The following RIPOR3 variants were observed in gnomAD, a reference collection of about 807,000 sequenced individuals.
RIPOR3 encodes the protein RIPOR family member 3.
A neutral mutation model predicts 114.3 loss-of-function variants in RIPOR3; 95 were observed. The observed-to-expected ratio is 0.83, with a 90% confidence interval of 0.70 to 0.99. RIPOR3 has a LOEUF of 0.99. Among genes scored for constraint, RIPOR3 ranks in the 50% least tolerant of loss-of-function variants. The probability of loss-of-function intolerance (pLI) is 0.00; values close to 1 mark genes in which losing one functional copy is unlikely to be tolerated. For missense variants in RIPOR3, 1,252 were observed against 1,266.9 expected (o/e 0.99, Z 0.18); for synonymous variants, 575 against 543.8 (o/e 1.06, Z -0.80).
At chr20:50,656,207 C>T (rs1037574336) in intron 1 of RIPOR3, among the ~76,000 whole-genome samples, 1 of 151,684 alleles carries the variant, frequency 6.6e-6, no homozygotes, top group Non-Finnish European at 1.5e-5. Context: ...GGGGTTTCAC[C>T]ATGTTGGCCA....
chr20:50,669,208 G>A (rs945698089), intron 1 of RIPOR3, among the ~76,000 whole-genome samples: 2 of 151,916 alleles, frequency 1.3e-5, no homozygotes, highest in African/African-American at 4.8e-5. Flanking sequence ...CAGCCACCCC[G>A]CTATTCATTC....
chr20:50,601,190 T>A (rs544333217), intron 13 of RIPOR3, among the ~76,000 whole-genome samples: 1 of 152,170 alleles, frequency 6.6e-6, no homozygotes, highest in Non-Finnish European at 1.5e-5. Context: ...TCCCGGCACT[T>A]TGGGAGGCTG....
chr20:50,641,227 T>C (rs1334011202), intron 1 of RIPOR3, among the ~76,000 whole-genome samples: 2 of 151,980 alleles, frequency 1.3e-5, no homozygotes, highest in East Asian at 3.9e-4. Context: ...TTTTTTTTTC[T>C]GAGAGAGAGA....
chr20:50,599,645 C>T (rs2122957440), intron 13 of RIPOR3, among the ~76,000 whole-genome samples: 1 of 152,252 alleles, frequency 6.6e-6, no homozygotes, highest in South Asian at 2.1e-4. Flanking sequence ...CATGAGGACA[C>T]TTGTTTACCA....
rs573549051 is a variant in RIPOR3 at position 50,608,435 on chromosome 20, T to C, written c.910A>G (p.Ile304Val). The C allele has an allele frequency of 6.2e-7, 1 of 1,614,026 alleles. No individual in the cohort carries two copies. The highest frequency in any genetic ancestry group is 1.3e-5 in the African/African-American group (1 of 75,036). Residue 304 changes from isoleucine (I) to valine (V), a missense_variant, in exon 11 of 22, where the codon ATC becomes GTC. Physicochemically the swap from Ile to Val is conservative, Grantham distance 29. Coordinates refer to ENST00000327979, the MANE Select transcript of RIPOR3 (RefSeq NM_001290268.2). ...AGCTTGATGGTACCCAACTCCGTGA[T>C]GTCCACCACGATGACCTGCGGCCGC... Reference protein sequence around the residue: ...TTRPQVIVVDITELGTIKLQL... With the variant: ...TTRPQVIVVDVTELGTIKLQL...
In RIPOR3 at chr20:50,608,758, G is replaced by A. The variant is rs751995715; in HGVS notation, c.685-20C>T. The A allele has an allele frequency of 4.3e-6, 7 of 1,613,500 alleles. No homozygotes were observed. The highest frequency in any genetic ancestry group is 5.9e-6 in the Non-Finnish European group (7 of 1,179,574). On this transcript the variant is annotated intron_variant, in intron 9 of 21. Transcript: ENST00000327979. The stretch of plus-strand genomic sequence containing the variant: ...GAGCACCTGTGAACCAGCCCGAGAG[G>A]GGCCGCGTCAGCCCAGGTGGGTGTC...
intron 17 of RIPOR3, 42 bp from the exon 18 acceptor site, chr20:50,593,238 G>A (rs777321884): frequency 6.9e-6 from 11 of 1,590,484 alleles, no homozygotes; most frequent in Middle Eastern, 2.2e-4. Context: ...CTGAGACCTC[G>A]ACCCTCCACG....
rs748256451 is a variant in RIPOR3 at position 50,589,681 on chromosome 20, C to A, written c.2661+5G>T. On this transcript the variant is annotated splice_donor_5th_base_variant and intron_variant, in intron 20 of 21. Coordinates refer to ENST00000327979, the MANE Select transcript of RIPOR3 (RefSeq NM_001290268.2). ...CAGCCACTAATGGGGAAACGTCAGG[C>A]TCACCTTGAGGTGTTTGAGCGCTAG... is the stretch of plus-strand genomic sequence containing the variant. 1 of 1,613,474 alleles carries A rather than the reference C, an allele frequency of 6.2e-7. No individual in the cohort carries two copies. Among genetic ancestry groups the A allele is most frequent in the Admixed American group, 1.7e-5 (1 of 59,966 alleles).
At chr20:50,688,703 C>T (rs2087108965) in intron 1 of RIPOR3, among the ~76,000 whole-genome samples, 1 of 152,174 alleles carries the variant, frequency 6.6e-6, no homozygotes, top group Non-Finnish European at 1.5e-5. Flanking sequence ...AAGCACTAAA[C>T]AGCGGGAAGC....
At chr20:50,634,346 T>A (rs1479120060) in intron 1 of RIPOR3, among the ~76,000 whole-genome samples, 1 of 152,110 alleles carries the variant, frequency 6.6e-6, no homozygotes, top group Non-Finnish European at 1.5e-5. Flanking sequence ...GCCACATGGA[T>A]TGGCTTCCTG....
At chr20:50,671,970 G>T (rs1272971468) in intron 1 of RIPOR3, among the ~76,000 whole-genome samples, 1 of 119,768 alleles carries the variant, frequency 8.3e-6, no homozygotes, top group Non-Finnish European at 1.7e-5. Flanking sequence ...AGGTGGATAG[G>T]TGGATGGGTG....
At chr20:50,674,126 T>C (rs1042169241) in intron 1 of RIPOR3, among the ~76,000 whole-genome samples, 11 of 152,088 alleles carry the variant, frequency 7.2e-5, no homozygotes, top group Non-Finnish European at 8.8e-5. Context: ...GGGTAAGATG[T>C]GTCTGGAAGG....
chr20:50,617,719 G>A (rs542144710), intron 3 of RIPOR3, among the ~76,000 whole-genome samples: 9 of 138,878 alleles, frequency 6.5e-5, no homozygotes, highest in Middle Eastern at 4.1e-3. Flanking sequence ...CCCACCTCCC[G>A]GGTTCAAGTG....
intron 1 of RIPOR3, among the ~76,000 whole-genome samples, chr20:50,681,390 G>T (rs1324190642): frequency 1.3e-5 from 2 of 152,098 alleles, no homozygotes; most frequent in Non-Finnish European, 2.9e-5. Context: ...GGTGGTAGGG[G>T]ATCCAGGGTT....
chr20:50,629,681 G>C (rs2084750570), intron 2 of RIPOR3, among the ~76,000 whole-genome samples: 1 of 152,164 alleles, frequency 6.6e-6, no homozygotes, highest in Non-Finnish European at 1.5e-5. Flanking sequence ...AGCTGCACCG[G>C]CTGCTGGCCC....
At chr20:50,688,768 A>G (rs6020694) in intron 1 of RIPOR3, among the ~76,000 whole-genome samples, 122,916 of 152,098 alleles carry the variant, frequency 0.81, 50,712 homozygotes, top group East Asian at 0.96. Context: ...GCAGGGAAGC[A>G]TCTCCAAATG....
At chr20:50,592,920 AAAG>A (rs1484173499) in intron 18 of RIPOR3, 112 bp downstream of exon 18, 1 of 1,352,544 alleles carries the variant, frequency 7.4e-7, no homozygotes, top group Non-Finnish European at 1.0e-6. Context: ...GGGGTTCCCA[AAAG>A]AACAGTTGGC....
At chr20:50,630,902 G>C in intron 1 of RIPOR3, 46 bp from the exon 2 acceptor site, 1 of 1,490,462 alleles carries the variant, frequency 6.7e-7, no homozygotes, top group South Asian at 1.2e-5. Flanking sequence ...ACCATCCAGC[G>C]AGTGCCGTCC....
At chr20:50,633,980 C>CTT (rs375758598) in intron 1 of RIPOR3, among the ~76,000 whole-genome samples, 8 of 131,034 alleles carry the variant, frequency 6.1e-5, no homozygotes, top group East Asian at 4.5e-4. Flanking sequence ...TCTTTCTTTT[C>CTT]TTTTTTTTTT....
Sources: allele counts gnomAD v4.1 joint callset (sites outside exome capture counted in the v4.1 genomes callset), GRCh38; gene constraint gnomAD v4.1.1; transcripts MANE v1.5; gene names NCBI Gene and HGNC (gene_info 2026-07-23, HGNC 2026-07-21).